CLOCK: variants seen among roughly 807,000 people sequenced by gnomAD.
CLOCK encodes the protein clock circadian regulator.
CLOCK carries 43 observed loss-of-function variants against 118.4 expected under a neutral mutation model. That is an observed-to-expected ratio of 0.36 (90% CI 0.28 to 0.47). The LOEUF (loss-of-function observed/expected upper bound fraction) is 0.47. Ranked by LOEUF, CLOCK falls within the 20% of genes least tolerant of loss-of-function variation. The pLI is 1.00. For missense variants in CLOCK, 846 were observed against 999.9 expected, an observed-to-expected ratio of 0.85 and a Z score of 2.08; for synonymous variants, 326 against 339.2, an observed-to-expected ratio of 0.96 and a Z score of 0.43.
intron 2 of CLOCK, among the ~76,000 whole-genome samples, chr4:55,503,657 AT>A (rs145486119): frequency 0.034 from 5,120 of 151,920 alleles, 104 homozygotes; most frequent in Non-Finnish European, 0.054. Context: ...TTTAAATTTA[AT>A]TTTTTTTGGT....
At chr4:55,506,087 CA>C (rs1728779917) in intron 2 of CLOCK, among the ~76,000 whole-genome samples, 1 of 151,980 alleles carries the variant, frequency 6.6e-6, no homozygotes, top group Non-Finnish European at 1.5e-5. Flanking sequence ...TTTAGTTGAG[CA>C]AAAACTGCCC....
chr4:55,483,720 G>C (rs1727095306), intron 3 of CLOCK, among the ~76,000 whole-genome samples: 1 of 152,178 alleles, frequency 6.6e-6, no homozygotes. Context: ...TGAAAAACCT[G>C]GGATGTTACA....
At chr4:55,444,011 T>G (rs1723586096) in intron 19 of CLOCK, 115 bp from the exon 20 acceptor site, 6 of 821,426 alleles carry the variant, frequency 7.3e-6, no homozygotes, top group Non-Finnish European at 5.8e-6. Context: ...GTAACAAGGC[T>G]AAGTCACTTT....
chr4:55,480,140 T>C (rs1271605073), intron 4 of CLOCK, among the ~76,000 whole-genome samples: 1 of 152,264 alleles, frequency 6.6e-6, no homozygotes, highest in African/African-American at 2.4e-5. Flanking sequence ...TTAACTTATA[T>C]TAATACATTT....
chr4:55,472,316 A>T (rs1451966374), intron 7 of CLOCK, among the ~76,000 whole-genome samples: 2 of 152,230 alleles, frequency 1.3e-5, no homozygotes, highest in Admixed American at 1.3e-4. Context: ...GAAGGCTATT[A>T]CAAGTCACTC....
At chr4:55,505,832 C>T (rs551660105) in intron 2 of CLOCK, among the ~76,000 whole-genome samples, 1 of 112,192 alleles carries the variant, frequency 8.9e-6, no homozygotes, top group Admixed American at 1.1e-4. Context: ...GACCAACTGT[C>T]AACAACAATC....
chr4:55,446,322 C>G (rs928154176), intron 18 of CLOCK, among the ~76,000 whole-genome samples: 3 of 152,042 alleles, frequency 2.0e-5, no homozygotes, highest in African/African-American at 7.2e-5. Flanking sequence ...CTCCTGAGCT[C>G]AGGCAATCCT....
intron 1 of CLOCK, among the ~76,000 whole-genome samples, chr4:55,539,208 C>T (rs1169493835): frequency 6.6e-6 from 1 of 150,936 alleles, no homozygotes; most frequent in Non-Finnish European, 1.5e-5. Flanking sequence ...GCACTCCAGC[C>T]TAAGCAACAG....
At chr4:55,533,830 G>A (rs1730710260) in intron 1 of CLOCK, among the ~76,000 whole-genome samples, 1 of 152,176 alleles carries the variant, frequency 6.6e-6, no homozygotes, top group East Asian at 1.9e-4. Flanking sequence ...TTGAACCTGG[G>A]AGGCAGAGGT....
At chr4:55,460,710 C>T (rs1458890343) in intron 9 of CLOCK, among the ~76,000 whole-genome samples, 4 of 152,128 alleles carry the variant, frequency 2.6e-5, no homozygotes, top group East Asian at 1.9e-4. Context: ...GTATTATTTC[C>T]GCACTCAAGG....
intron 20 of CLOCK, among the ~76,000 whole-genome samples, chr4:55,443,072 G>A (rs1723504186): frequency 6.6e-6 from 1 of 152,122 alleles, no homozygotes; most frequent in African/African-American, 2.4e-5. Context: ...ATGGGAACAG[G>A]CTTCCTGGTC....
At chr4:55,463,914 G>T in intron 8 of CLOCK, 109 bp from the exon 9 acceptor site, 1 of 1,109,618 alleles carries the variant, frequency 9.0e-7, no homozygotes, top group Non-Finnish European at 1.3e-6. Context: ...AATTATCTGT[G>T]AAAACCAACA....
intron 1 of CLOCK, among the ~76,000 whole-genome samples, chr4:55,515,436 A>G (rs1268584752): frequency 2.6e-5 from 4 of 152,116 alleles, no homozygotes. Context: ...GTGCAGTGGC[A>G]CAATCTCGGC....
intron 1 of CLOCK, among the ~76,000 whole-genome samples, chr4:55,537,057 A>G (rs1158934221): frequency 6.6e-6 from 1 of 152,276 alleles, no homozygotes; most frequent in Non-Finnish European, 1.5e-5. Flanking sequence ...ATTAAAAATA[A>G]CAATGATCTC....
At chr4:55,453,553 G>T in intron 14 of CLOCK, 124 bp downstream of exon 14, 1 of 670,972 alleles carries the variant, frequency 1.5e-6, no homozygotes, top group South Asian at 2.1e-5. Context: ...ATATTGAAAG[G>T]ATCTATCAGC....
rs1046907469 is a variant in CLOCK, at chr4:55,464,417, C to T, written c.439-612G>A. On this transcript the variant is annotated intron_variant, in intron 8 of 22. Coordinates refer to ENST00000513440, the MANE Select transcript of CLOCK (RefSeq NM_004898.4). ...CAAACATCAGGTTGGCTACAATGTG[C>T]CACGGCTGTGGAATCAAAGATGAAT... Among the ~76,000 whole-genome samples, 6 of 152,196 alleles carry T rather than the reference C, an allele frequency of 3.9e-5. 1 individual carries two copies. The South Asian group carries it at 1.2e-3, about 31-fold the overall frequency.
intron 11 of CLOCK, among the ~76,000 whole-genome samples, chr4:55,456,929 C>T (rs1724961490): frequency 6.6e-6 from 1 of 152,176 alleles, no homozygotes; most frequent in South Asian, 2.1e-4. Flanking sequence ...ACCTGCCCAC[C>T]ACAGCCTCCC....
In CLOCK at chr4:55,470,716, C is replaced by T; in HGVS notation, c.438+1G>A. On this transcript the variant is annotated splice_donor_variant, in intron 8 of 22. Transcript: ENST00000513440. LOFTEE classifies it high-confidence loss of function. ...GTAGATTGTAGGATCTTTATACTTA[C>T]TGGTAAATGTTCAAGTAATGAAGTT... is the stretch of plus-strand genomic sequence containing the variant. The T allele has an allele frequency of 6.4e-7, 1 of 1,572,024 alleles. No individual in the cohort carries two copies.
At chr4:55,466,890 A>G (rs953685844) in intron 8 of CLOCK, among the ~76,000 whole-genome samples, 8 of 152,224 alleles carry the variant, frequency 5.3e-5, no homozygotes, top group African/African-American at 1.7e-4. Flanking sequence ...AAAAGGAAAT[A>G]TAAGTTCTGC....
Sources: gnomAD v4.1 joint callset for allele counts (sites outside exome capture counted in the v4.1 genomes callset) on GRCh38, gnomAD v4.1.1 for gene constraint, MANE v1.5 for transcripts, NCBI Gene and HGNC (gene_info 2026-07-23, HGNC 2026-07-21) for gene names.